CRADD: variants seen among roughly 807,000 people sequenced by gnomAD.
CRADD encodes the protein death domain-containing protein CRADD.
A neutral mutation model predicts 15.5 loss-of-function variants in CRADD; 9 were observed. The observed-to-expected ratio is 0.58, with a 90% CI of 0.35 to 1.01. The LOEUF is 1.01. Ranked by LOEUF, CRADD falls within the 50% of genes least tolerant of loss-of-function variation. The probability of loss-of-function intolerance (pLI) is 0.02; values close to 1 mark genes in which losing one functional copy is unlikely to be tolerated. For missense variants in CRADD, 227 were observed against 250.3 expected, an observed-to-expected ratio of 0.91 and a Z score of 0.63; for synonymous variants, 118 against 107.6, an observed-to-expected ratio of 1.10 and a Z score of -0.60.
chr12:93,834,757 G>A (rs1957955777), intron 2 of CRADD, among the ~76,000 whole-genome samples: 1 of 152,182 alleles, frequency 6.6e-6, no homozygotes, highest in African/African-American at 2.4e-5. Flanking sequence ...CAAAGTGCTG[G>A]GATTACAGGC....
At chr12:93,826,260 C>G (rs545369547) in intron 2 of CRADD, among the ~76,000 whole-genome samples, 5 of 152,102 alleles carry the variant, frequency 3.3e-5, no homozygotes, top group Non-Finnish European at 5.9e-5. Flanking sequence ...TAAAATAGAC[C>G]GCTGTGAAAC....
rs1957799909 is a variant in CRADD at position 93,824,240 on chromosome 12, T to C, written c.299-25730T>C. On this transcript the variant is annotated intron_variant, in intron 2 of 2. Coordinates refer to ENST00000332896, the MANE Select transcript of CRADD (RefSeq NM_003805.5). The surrounding 1 kb of genome is among the most constrained non-coding windows in gnomAD (Gnocchi z 4.3). Reference sequence around the variant, plus strand: ...TCATTTTCAGTGTCTCAGCATACTTTCCAATGCTTCCAGTAATGGATTGTG... The same window carrying C: ...TCATTTTCAGTGTCTCAGCATACTTCCCAATGCTTCCAGTAATGGATTGTG... 6.6e-6 allele frequency among the ~76,000 whole-genome samples: 1 copy of C among 152,218 alleles called. No homozygotes were observed. The highest frequency in any genetic ancestry group is 1.5e-5 in the Non-Finnish European group (1 of 68,038).
chr12:93,818,568 C>T (rs1486280461), intron 2 of CRADD, among the ~76,000 whole-genome samples: 2 of 152,004 alleles, frequency 1.3e-5, no homozygotes, highest in Non-Finnish European at 2.9e-5. Context: ...GAACAAAAAC[C>T]GTGGGAGTGA....
At chr12:93,747,056 AC>A (rs1334758297) in intron 2 of CRADD, among the ~76,000 whole-genome samples, 2 of 152,176 alleles carry the variant, frequency 1.3e-5, no homozygotes, top group African/African-American at 2.4e-5. Context: ...AATGGTTTTC[AC>A]CACTTTTGGG....
intron 2 of CRADD, among the ~76,000 whole-genome samples, chr12:93,759,053 G>A (rs1956921242): frequency 6.6e-6 from 1 of 152,108 alleles, no homozygotes; most frequent in Non-Finnish European, 1.5e-5. Context: ...AAATACCAAG[G>A]CATTTAATTT....
intron 2 of CRADD, among the ~76,000 whole-genome samples, chr12:93,868,852 A>G (rs923847025): frequency 2.0e-5 from 3 of 152,216 alleles, no homozygotes; most frequent in Non-Finnish European, 2.9e-5. Flanking sequence ...CAGGGCTGCC[A>G]GAGCAACTGG....
rs1201455535 is a variant in CRADD at position 93,685,827 on chromosome 12, T to A, written c.298+6755T>A. On this transcript the variant is annotated intron_variant, in intron 2 of 2. Transcript: ENST00000332896. ...GCCAACATGGTGAAACCCCCATCTC[T>A]ACTTAAAATACAAAAATTAGCCAGG... is the stretch of plus-strand genomic sequence containing the variant. Among the ~76,000 whole-genome samples the A allele has an allele frequency of 2.2e-5, 3 of 138,490 alleles. No homozygotes were observed. In the East Asian group the frequency reaches 6.7e-4, roughly 31 times the overall value. The allele number at this position is 138,490 out of a possible 152,430, so 90.9% of individuals were successfully genotyped here.
chr12:93,854,829 C>T (rs77671590), downstream of CRADD, among the ~76,000 whole-genome samples: 3,005 of 152,220 alleles, frequency 0.02, 103 homozygotes, highest in African/African-American at 0.067. Context: ...GTGGAATCGC[C>T]GGGCTTAAAG....
At chr12:93,800,750 G>A (rs550498030) in intron 2 of CRADD, among the ~76,000 whole-genome samples, 1 of 152,270 alleles carries the variant, frequency 6.6e-6, no homozygotes, top group East Asian at 1.9e-4. Flanking sequence ...TGTGAGAATG[G>A]ACTAATACAG....
chr12:93,731,778 T>A (rs1956469162), intron 2 of CRADD, among the ~76,000 whole-genome samples: 1 of 152,214 alleles, frequency 6.6e-6, no homozygotes, highest in South Asian at 2.1e-4. Flanking sequence ...TTATTTCTGA[T>A]AGGGAGACAA....
intron 2 of CRADD, among the ~76,000 whole-genome samples, chr12:93,711,055 CTTTTTT>C (rs397850463): frequency 1.4e-4 from 6 of 43,506 alleles, no homozygotes; most frequent in African/African-American, 5.1e-4. Context: ...CCACCCCCGC[CTTTTTT>C]TTTTTTTTTT....
intron 2 of CRADD, among the ~76,000 whole-genome samples, chr12:93,889,490 G>A (rs1958561339): frequency 6.6e-6 from 1 of 152,068 alleles, no homozygotes; most frequent in African/African-American, 2.4e-5. Flanking sequence ...TTTCTACCAG[G>A]CTCAGTGGCT....
At chr12:93,781,984 C>T (rs1339149053) in intron 2 of CRADD, among the ~76,000 whole-genome samples, 2 of 152,138 alleles carry the variant, frequency 1.3e-5, no homozygotes, top group African/African-American at 4.8e-5. Flanking sequence ...CCAGCCATCC[C>T]ATTACTGGGT....
chr12:93,822,427 A>T (rs1308628292), intron 2 of CRADD, among the ~76,000 whole-genome samples: 1 of 152,182 alleles, frequency 6.6e-6, no homozygotes, highest in Non-Finnish European at 1.5e-5. Flanking sequence ...ACATCCCGAT[A>T]CTGCATCCTC....
At chr12:93,793,015 AAT>A (rs1957367356) in intron 2 of CRADD, among the ~76,000 whole-genome samples, 1 of 152,202 alleles carries the variant, frequency 6.6e-6, no homozygotes, top group Non-Finnish European at 1.5e-5. Flanking sequence ...CAAATTTCTT[AAT>A]AGTCACATAT....
At chr12:93,839,450 T>C (rs1312399177) in intron 2 of CRADD, among the ~76,000 whole-genome samples, 1 of 152,190 alleles carries the variant, frequency 6.6e-6, no homozygotes, top group Non-Finnish European at 1.5e-5. Flanking sequence ...CTTACAGGTC[T>C]TTTTTAGAAC....
At chr12:93,709,268 T>C (rs1252552647) in intron 2 of CRADD, among the ~76,000 whole-genome samples, 1 of 152,224 alleles carries the variant, frequency 6.6e-6, no homozygotes, top group African/African-American at 2.4e-5. Flanking sequence ...TATTTTTAAC[T>C]TTTATTATAG....
intron 2 of CRADD, chr12:93,837,596 A>G (rs1957989292): frequency 6.6e-6 from 1 of 152,216 alleles, no homozygotes; most frequent in South Asian, 2.1e-4. Flanking sequence ...GGCAGAAACA[A>G]ATAAGCAAAA....
At chr12:93,755,899 T>C (rs967866905) in intron 2 of CRADD, among the ~76,000 whole-genome samples, 3 of 152,202 alleles carry the variant, frequency 2.0e-5, no homozygotes, top group Admixed American at 2.0e-4. Flanking sequence ...TTTTGGAAAA[T>C]TTGCTGCTTT....
Sources: gnomAD v4.1 joint callset for allele counts (sites outside exome capture counted in the v4.1 genomes callset) on GRCh38, gnomAD v4.1.1 for gene constraint, Gnocchi (gnomAD v3.1) non-coding constraint, MANE v1.5 for transcripts, NCBI Gene and HGNC (gene_info 2026-07-23, HGNC 2026-07-21) for gene names.